Variants in RGS7 observed in about 807,000 individuals in gnomAD.
RGS7 encodes the protein regulator of G protein signaling 7.
A neutral mutation model predicts 81.1 loss-of-function variants in RGS7; 27 were observed. That is an observed-to-expected ratio of 0.33 (90% confidence interval 0.25 to 0.46). The LOEUF (loss-of-function observed/expected upper bound fraction) is 0.46, where lower values mean the gene tolerates loss of function less well. Among genes scored for constraint, RGS7 ranks in the 20% least tolerant of loss-of-function variants. RGS7 has a pLI of 1.00. For synonymous variants in RGS7, 208 were observed against 207.7 expected, an observed-to-expected ratio of 1.00 and a Z score of -0.01; for missense variants, 396 against 607.4, an observed-to-expected ratio of 0.65 and a Z score of 3.66.
Position 240,997,715 on chromosome 1 carries a change from T to C in RGS7, c.176-14586A>G, listed in dbSNP as rs571190754. Among the ~76,000 whole-genome samples the C allele has an allele frequency of 1.8e-3, 269 of 152,214 alleles. 1 individual carries two copies. The highest frequency in any genetic ancestry group is 6.3e-3 in the African/African-American group (260 of 41,528). On this transcript the variant is annotated intron_variant, in intron 3 of 18. Transcript: ENST00000440928. ...GGCACATGCCTGTAATCCCAGCTAC[T>C]CAGGAGGCTGAGGCAGGAGAATCAC...
At chr1:241,070,009 AG>A (rs1174461643) in intron 3 of RGS7, among the ~76,000 whole-genome samples, 1 of 152,196 alleles carries the variant, frequency 6.6e-6, no homozygotes, top group Non-Finnish European at 1.5e-5. Context: ...GTCACACACA[AG>A]TTAGGCAGGT....
intron 2 of RGS7, among the ~76,000 whole-genome samples, chr1:241,143,339 T>TGA (rs2068066815): frequency 6.6e-6 from 1 of 152,190 alleles, no homozygotes; most frequent in Non-Finnish European, 1.5e-5. Context: ...CTGCCGATAA[T>TGA]GACATACCTG....
At chr1:240,881,437 C>A (rs1360514220) in intron 6 of RGS7, among the ~76,000 whole-genome samples, 4 of 152,092 alleles carry the variant, frequency 2.6e-5, no homozygotes, top group Non-Finnish European at 5.9e-5. Context: ...CAACATGGCA[C>A]ATGTATACAT....
At chr1:241,160,400 C>T (rs2069549673) in intron 2 of RGS7, among the ~76,000 whole-genome samples, 1 of 151,676 alleles carries the variant, frequency 6.6e-6, no homozygotes, top group Non-Finnish European at 1.5e-5. Context: ...CAATGAGTGG[C>T]TCATCCCCTG....
chr1:241,006,923 C>A (rs12037368), intron 3 of RGS7, among the ~76,000 whole-genome samples: 24,922 of 151,860 alleles, frequency 0.16, 2,161 homozygotes, highest in East Asian at 0.21. Context: ...TCTTCTTCTT[C>A]TTATTATTTT....
intron 6 of RGS7, among the ~76,000 whole-genome samples, chr1:240,910,407 A>C (rs897971566): frequency 1.5e-4 from 23 of 152,340 alleles, no homozygotes; most frequent in African/African-American, 5.0e-4. Flanking sequence ...CAGAAGCAAA[A>C]AGTAGAACAG....
At chr1:241,180,766 C>G (rs2071550906) in intron 2 of RGS7, among the ~76,000 whole-genome samples, 1 of 152,162 alleles carries the variant, frequency 6.6e-6, no homozygotes, top group Non-Finnish European at 1.5e-5. Context: ...TGATGTGTGT[C>G]CTTGCCATGG....
At chr1:241,109,079 A>C (rs544865249) in intron 2 of RGS7, among the ~76,000 whole-genome samples, 1 of 152,276 alleles carries the variant, frequency 6.6e-6, no homozygotes, top group South Asian at 2.1e-4. Context: ...TCTCTTGTTT[A>C]AAACTTCCAT....
intron 2 of RGS7, among the ~76,000 whole-genome samples, chr1:241,333,851 T>A (rs963976928): frequency 6.6e-6 from 1 of 150,544 alleles, no homozygotes; most frequent in African/African-American, 2.5e-5. Context: ...TGCATCTTAG[T>A]TGTCTCTTCT....
At chr1:241,257,736 G>GA (rs1558244067) in intron 2 of RGS7, among the ~76,000 whole-genome samples, 1 of 151,478 alleles carries the variant, frequency 6.6e-6, no homozygotes, top group Non-Finnish European at 1.5e-5. Flanking sequence ...ACACACAAAG[G>GA]AAAAAAAATG....
intron 2 of RGS7, among the ~76,000 whole-genome samples, chr1:241,291,205 T>A (rs2079069806): frequency 1.3e-5 from 2 of 152,160 alleles, no homozygotes; most frequent in Admixed American, 1.3e-4. Flanking sequence ...AGGAAGACCA[T>A]GTGCCAAGTT....
intron 6 of RGS7, among the ~76,000 whole-genome samples, chr1:240,918,670 CT>C (rs1264576497): frequency 6.6e-6 from 1 of 151,950 alleles, no homozygotes; most frequent in Non-Finnish European, 1.5e-5. Context: ...AAATTCCCAT[CT>C]TAGAAAACTA....
At chr1:240,822,938 C>T (rs1310697344) in intron 10 of RGS7, 5 of 451,522 alleles carry the variant, frequency 1.1e-5, no homozygotes, top group African/African-American at 1.0e-4. Context: ...TACTAGAAAA[C>T]AGTGAACGAA....
At chr1:241,255,004 T>C (rs1294054269) in intron 2 of RGS7, among the ~76,000 whole-genome samples, 5 of 152,206 alleles carry the variant, frequency 3.3e-5, no homozygotes, top group Non-Finnish European at 5.9e-5. Flanking sequence ...ATAGGCCTCA[T>C]GGAGAATAGA....
chr1:240,850,822 G>A (rs1349542636), intron 9 of RGS7, among the ~76,000 whole-genome samples: 2 of 152,164 alleles, frequency 1.3e-5, no homozygotes, highest in Non-Finnish European at 2.9e-5. Context: ...CTACATAGAA[G>A]ACCAAAGCAG....
chr1:241,167,515 C>T (rs2070358025), intron 2 of RGS7, among the ~76,000 whole-genome samples: 1 of 151,686 alleles, frequency 6.6e-6, no homozygotes. Flanking sequence ...ACTCTTTGGT[C>T]CTCCTCTTTT....
chr1:240,974,322 G>A (rs1683737446), intron 4 of RGS7, among the ~76,000 whole-genome samples: 1 of 152,044 alleles, frequency 6.6e-6, no homozygotes, highest in Non-Finnish European at 1.5e-5. Flanking sequence ...AAGCCATTTT[G>A]TTTACACTGG....
chr1:241,186,776 C>T (rs1049561538), intron 2 of RGS7, among the ~76,000 whole-genome samples: 2 of 152,074 alleles, frequency 1.3e-5, no homozygotes, highest in Non-Finnish European at 2.9e-5. Context: ...ATCCACCTAC[C>T]TCGGCCTCCC....
At chr1:240,776,355 C>A in intron 18 of RGS7, 142 bp from the exon 19 acceptor site, 1 of 697,460 alleles carries the variant, frequency 1.4e-6, no homozygotes, top group African/African-American at 1.8e-5. Flanking sequence ...TTAGTTCAAA[C>A]CTCATGACCA....
Sources: allele counts gnomAD v4.1 joint callset (sites outside exome capture counted in the v4.1 genomes callset), GRCh38; gene constraint gnomAD v4.1.1; transcripts MANE v1.5; gene names NCBI Gene and HGNC (gene_info 2026-07-23, HGNC 2026-07-21).